The following CCPG1 variants were observed in gnomAD, a reference collection of about 807,000 sequenced individuals.
The protein encoded by CCPG1 is cell cycle progression 1.
CCPG1 carries 46 observed loss-of-function variants against 81.3 expected under a neutral mutation model. The observed-to-expected ratio is 0.57, with a 90% CI of 0.45 to 0.72. The LOEUF is 0.72. CCPG1 is among the 30% of genes least tolerant of loss of function. The pLI is 0.00. For synonymous variants in CCPG1, 330 were observed against 305.2 expected, an observed-to-expected ratio of 1.08 and a Z score of -0.85; for missense variants, 902 against 937.6, an observed-to-expected ratio of 0.96 and a Z score of 0.50.
chr15:55,374,200 C>G (rs1279145284), intron 5 of CCPG1: 1 of 1,288,966 alleles, frequency 7.8e-7, no homozygotes, highest in Non-Finnish European at 1.0e-6. Flanking sequence ...AGCTGATCAT[C>G]CCATCCCCAT....
intron 7 of CCPG1, 87 bp from the exon 8 acceptor site, chr15:55,361,031 C>G (rs1349884379): frequency 5.9e-6 from 8 of 1,347,304 alleles, no homozygotes; most frequent in African/African-American, 1.5e-5. Context: ...ACCCCATAAG[C>G]TTTTGTGTCT....
intron 8 of CCPG1, chr15:55,358,628 G>T: frequency 3.0e-6 from 3 of 985,330 alleles, no homozygotes; most frequent in Non-Finnish European, 3.6e-6. Flanking sequence ...ACTAAGTTCA[G>T]TTCAAAGGCC....
In CCPG1 at chr15:55,390,360, T is replaced by C. The variant is rs1028100580; in HGVS notation, c.-9-927A>G. ...CCTGGACTCAAGCCCTAAGCCAGCA[T>C]ACAATGGTCACTCCACCTGGTTTTT... On this transcript the variant is annotated intron_variant, in intron 1 of 8. Transcript: ENST00000442196. 9.8e-5 allele frequency among the ~76,000 whole-genome samples: 15 copies of C among 152,348 alleles called. 1 individual carries two copies. The highest frequency in any genetic ancestry group is 7.2e-4 in the Admixed American group (11 of 15,304).
chr15:55,363,204 C>T (rs1043802225), intron 7 of CCPG1, among the ~76,000 whole-genome samples: 1 of 151,812 alleles, frequency 6.6e-6, no homozygotes, highest in Non-Finnish European at 1.5e-5. Context: ...AAAAAATGAA[C>T]CGGGCATGGT....
intron 5 of CCPG1, among the ~76,000 whole-genome samples, chr15:55,375,224 T>C (rs1019105749): frequency 3.9e-5 from 6 of 152,164 alleles, no homozygotes; most frequent in Admixed American, 1.3e-4. Flanking sequence ...CTTTCTTTTT[T>C]TGAGATGGTG....
In CCPG1 at chr15:55,359,543, G is replaced by A; in HGVS notation, c.2230C>T (p.Pro744Ser). Reference sequence around the variant, plus strand: ...CACGGTTTTATGTAAACCGACCTGGGTCCATATGGAGGGGAAAAAGTGTGA... The same window carrying A: ...CACGGTTTTATGTAAACCGACCTGGATCCATATGGAGGGGAAAAAGTGTGA... ...FGHTFSPPYGPSRPDKKQRMV... is the reference protein window; with the variant it reads ...FGHTFSPPYGSSRPDKKQRMV... The change falls in exon 8 of 9, where the codon CCC (proline) becomes TCC (serine). Residue 744 changes from proline to serine, a missense_variant. Pro to Ser is a moderately conservative substitution (Grantham distance 74, BLOSUM62 -1). This residue lies in a region of CCPG1 where 128 missense variants were observed against 161.2 expected (regional missense o/e 0.79). Transcript: ENST00000442196. 1 of 1,603,052 alleles carries A rather than the reference G, an allele frequency of 6.2e-7. No individual in the cohort carries two copies. The highest frequency in any genetic ancestry group is 8.5e-7 in the Non-Finnish European group (1 of 1,176,030).
intron 1 of CCPG1, among the ~76,000 whole-genome samples, chr15:55,399,484 G>C (rs1395560915): frequency 6.6e-6 from 1 of 151,524 alleles, no homozygotes; most frequent in Non-Finnish European, 1.5e-5. Context: ...AGCTACTTGG[G>C]AGGCTGAGGC....
intron 7 of CCPG1, among the ~76,000 whole-genome samples, chr15:55,362,847 C>T (rs1158995159): frequency 6.7e-6 from 1 of 149,228 alleles, no homozygotes. Context: ...CCAGAATAGC[C>T]TGGGCAACAT....
chr15:55,358,663 A>G (rs2056130482), intron 8 of CCPG1: 1 of 985,188 alleles, frequency 1.0e-6, no homozygotes, highest in African/African-American at 1.7e-5. Context: ...GCCTTTCCAA[A>G]CACCTCCAGA....
intron 1 of CCPG1, among the ~76,000 whole-genome samples, chr15:55,394,341 G>C (rs1334691801): frequency 6.6e-6 from 1 of 152,096 alleles, no homozygotes; most frequent in Non-Finnish European, 1.5e-5. Flanking sequence ...AGAAAGTGTA[G>C]GATAGCTCAC....
intron 8 of CCPG1, chr15:55,358,388 T>G: frequency 1.0e-6 from 1 of 985,408 alleles, no homozygotes. Flanking sequence ...TACAATATAA[T>G]CTTATCCCAC....
rs1275537216 is a variant in CCPG1, at chr15:55,365,197, T to C, written c.819A>G (p.Ile273Met). The C allele has an allele frequency of 2.1e-6, 3 of 1,450,622 alleles. No individual in the cohort carries two copies. The highest frequency in any genetic ancestry group is 2.9e-6 in the Non-Finnish European group (3 of 1,049,826). 89.9% of individuals were successfully genotyped at this position (1,450,622 alleles called of 1,614,324 possible). A position where few individuals can be genotyped will look rare whatever the true frequency, so the allele number is the denominator to read the frequency against. The change falls in exon 7 of 9, where the codon ATA becomes ATG. Residue 273 changes from isoleucine to methionine, a missense_variant. Ile to Met is a conservative substitution (Grantham distance 10, BLOSUM62 1). This residue lies in a region of CCPG1 where 746 missense variants were observed against 728.6 expected (regional missense o/e 1.02). Coordinates refer to ENST00000442196, the MANE Select transcript of CCPG1 (RefSeq NM_001204450.2). ...TGTTAGTGGTACATACCTTATAATCTATAAAAGATTCTTGTTCCTGTTGAC... is the reference window on the plus strand; with the variant it reads ...TGTTAGTGGTACATACCTTATAATCCATAAAAGATTCTTGTTCCTGTTGAC... ...SQCQQEQESF[I>M]DYKSLKENLA...
intron 6 of CCPG1, among the ~76,000 whole-genome samples, chr15:55,366,080 T>C (rs2056321254): frequency 6.6e-6 from 1 of 152,180 alleles, no homozygotes; most frequent in Non-Finnish European, 1.5e-5. Flanking sequence ...CCAGGAACAT[T>C]TAAGCAGTTC....
At chr15:55,363,236 C>T (rs1317382527) in intron 7 of CCPG1, among the ~76,000 whole-genome samples, 2 of 151,290 alleles carry the variant, frequency 1.3e-5, no homozygotes, top group African/African-American at 4.9e-5. Flanking sequence ...GTAATCCCAG[C>T]TACTTGGGAG....
chr15:55,374,142 T>A, intron 5 of CCPG1: 2 of 1,281,456 alleles, frequency 1.6e-6, no homozygotes, highest in Non-Finnish European at 2.0e-6. Flanking sequence ...CTGGTCAGAT[T>A]TAGTCACACC....
chr15:55,405,958 G>A (rs995021311), intron 1 of CCPG1, among the ~76,000 whole-genome samples: 3 of 152,136 alleles, frequency 2.0e-5, no homozygotes, highest in Admixed American at 1.3e-4. Context: ...TCTGCCTCCC[G>A]GGTTCAAGCG....
At chr15:55,361,824 T>G (rs969675214) in intron 7 of CCPG1, among the ~76,000 whole-genome samples, 5 of 152,228 alleles carry the variant, frequency 3.3e-5, no homozygotes, top group African/African-American at 1.2e-4. Flanking sequence ...CTTAGTCCTA[T>G]TTGAAACATT....
chr15:55,391,863 T>C (rs541540195), intron 1 of CCPG1, among the ~76,000 whole-genome samples: 61 of 108,614 alleles, frequency 5.6e-4, no homozygotes, highest in African/African-American at 2.0e-3. Context: ...CAGTGAAACC[T>C]TGACTCTTTA....
At chr15:55,361,058 A>T in intron 7 of CCPG1, 114 bp from the exon 8 acceptor site, 6 of 1,130,162 alleles carry the variant, frequency 5.3e-6, no homozygotes, top group South Asian at 2.0e-5. Context: ...CTACAGATAC[A>T]ACCCCCCGGG....
Sources: gnomAD v4.1 joint callset for allele counts (sites outside exome capture counted in the v4.1 genomes callset) on GRCh38, gnomAD v4.1.1 for gene constraint, gnomAD v4.1.1 regional missense constraint, MANE v1.5 for transcripts, NCBI Gene and HGNC (gene_info 2026-07-23, HGNC 2026-07-21) for gene names.